Variants in SYT9 observed in about 807,000 individuals in gnomAD.
SYT9 encodes synaptotagmin-9.
In SYT9, 22 loss-of-function variants were observed where a neutral mutation model predicts 48.4. That is an observed-to-expected ratio of 0.45 (90% CI 0.32 to 0.65). The LOEUF (loss-of-function observed/expected upper bound fraction) is 0.65. Among genes scored for constraint, SYT9 ranks in the 30% least tolerant of loss-of-function variants. The pLI, the probability that SYT9 is intolerant of heterozygous loss-of-function variation, is 0.03. For synonymous variants in SYT9, 265 were observed against 245.0 expected (o/e 1.08, Z -0.76); for missense variants, 577 against 622.0 (o/e 0.93, Z 0.77).
At chr11:7,424,212 T>C (rs984104089) in intron 6 of SYT9, among the ~76,000 whole-genome samples, 1 of 152,104 alleles carries the variant, frequency 6.6e-6, no homozygotes, top group African/African-American at 2.4e-5. Flanking sequence ...AAAAATCCGT[T>C]TCTCTCGCAG....
chr11:7,304,164 G>A (rs1192883123), intron 2 of SYT9, among the ~76,000 whole-genome samples: 1 of 152,188 alleles, frequency 6.6e-6, no homozygotes, highest in Non-Finnish European at 1.5e-5. Flanking sequence ...TGATTTGTAG[G>A]TGGTTTTAAG....
intron 3 of SYT9, among the ~76,000 whole-genome samples, chr11:7,410,140 T>C (rs984068627): frequency 6.6e-6 from 1 of 152,216 alleles, no homozygotes; most frequent in African/African-American, 2.4e-5. Flanking sequence ...AATTTCCATG[T>C]ATCTGTAGGT....
chr11:7,363,908 T>C (rs1182690516), intron 3 of SYT9, among the ~76,000 whole-genome samples: 1 of 152,136 alleles, frequency 6.6e-6, no homozygotes, highest in Non-Finnish European at 1.5e-5. Context: ...AAGTCAAAGA[T>C]ATGGAATTAG....
At chr11:7,276,215 C>T (rs1460795591) in intron 1 of SYT9, among the ~76,000 whole-genome samples, 1 of 152,150 alleles carries the variant, frequency 6.6e-6, no homozygotes. Context: ...ATCCAACAGT[C>T]ACCAGTTCCC....
Position 7,466,955 on chromosome 11 carries a change from G to A in SYT9, c.*155G>A. 1.0e-6 allele frequency: 1 copy of A among 965,538 alleles called. No individual in the cohort carries two copies. Among genetic ancestry groups the A allele is most frequent in the Admixed American group, 2.4e-5 (1 of 42,322 alleles). 59.8% of individuals were successfully genotyped at this position (965,538 alleles called of 1,614,324 possible). A position where few individuals can be genotyped will look rare whatever the true frequency, so the allele number is the denominator to read the frequency against. ...CACTAACTGGCCTTCTTTCCAGATT[G>A]GGTTTGGTGAACCTGAATGGTCCAG... On this transcript the variant is annotated 3_prime_UTR_variant, in exon 7 of 7. Coordinates refer to ENST00000318881, the MANE Select transcript of SYT9 (RefSeq NM_175733.4).
intron 6 of SYT9, among the ~76,000 whole-genome samples, chr11:7,422,137 C>T (rs1847367626): frequency 6.6e-6 from 1 of 152,156 alleles, no homozygotes; most frequent in South Asian, 2.1e-4. Context: ...GCACCCCTGC[C>T]ATTGATAGTC....
chr11:7,459,186 G>A lies in SYT9; in HGVS notation c.1468-7606G>A, dbSNP rs144856842. Among the ~76,000 whole-genome samples the A allele has an allele frequency of 6.2e-3, 945 of 152,358 alleles. 4 individuals are homozygous for A. Among genetic ancestry groups the A allele is most frequent in the Non-Finnish European group, 9.7e-3 (661 of 68,034 alleles). On this transcript the variant is annotated intron_variant, in intron 6 of 6. Transcript: ENST00000318881. ...TTAAGTGAGCTCAGGAAGACTGCAG[G>A]TAGAGCACCTATGTGGGATGATCAG...
intron 1 of SYT9, among the ~76,000 whole-genome samples, chr11:7,286,901 G>C (rs1247732286): frequency 6.6e-6 from 1 of 152,166 alleles, no homozygotes; most frequent in East Asian, 1.9e-4. Context: ...CAAGTCTCCA[G>C]GAAGTTCCAA....
chr11:7,258,834 A>G (rs191124474), intron 1 of SYT9, among the ~76,000 whole-genome samples: 1 of 152,218 alleles, frequency 6.6e-6, no homozygotes, highest in East Asian at 1.9e-4. Context: ...ATGTTTTACC[A>G]TTTGTAATTA....
intron 3 of SYT9, among the ~76,000 whole-genome samples, chr11:7,377,646 A>G (rs1278929479): frequency 6.6e-6 from 1 of 152,148 alleles, no homozygotes; most frequent in Non-Finnish European, 1.5e-5. Context: ...CCCTTCCACA[A>G]GGGTGGAAAC....
At chr11:7,464,942 G>T (rs1848303634) in intron 6 of SYT9, among the ~76,000 whole-genome samples, 1 of 151,872 alleles carries the variant, frequency 6.6e-6, no homozygotes, top group Admixed American at 6.6e-5. Context: ...AAAAAAATTA[G>T]CCGGGCGTGG....
intron 3 of SYT9, among the ~76,000 whole-genome samples, chr11:7,409,300 G>A (rs1160579847): frequency 6.6e-6 from 1 of 152,080 alleles, no homozygotes; most frequent in East Asian, 1.9e-4. Context: ...GATTTGACTT[G>A]CTAGTAGTTT....
At chr11:7,405,898 A>T (rs1846998419) in intron 3 of SYT9, among the ~76,000 whole-genome samples, 1 of 152,136 alleles carries the variant, frequency 6.6e-6, no homozygotes, top group Non-Finnish European at 1.5e-5. Context: ...GAACTTTTTT[A>T]AAAATTTGCT....
chr11:7,239,899 A>G (rs1288739260), intron 1 of SYT9, among the ~76,000 whole-genome samples: 1 of 152,202 alleles, frequency 6.6e-6, no homozygotes, highest in Non-Finnish European at 1.5e-5. Context: ...ACACATTTGA[A>G]TAGTTGCACA....
chr11:7,450,804 C>G (rs772879675), intron 6 of SYT9, among the ~76,000 whole-genome samples: 7 of 152,130 alleles, frequency 4.6e-5, no homozygotes, highest in Non-Finnish European at 8.8e-5. Flanking sequence ...TTACACATGC[C>G]GACACATGTC....
chr11:7,316,343 T>C (rs1478163045), intron 3 of SYT9, among the ~76,000 whole-genome samples: 1 of 152,110 alleles, frequency 6.6e-6, no homozygotes, highest in Non-Finnish European at 1.5e-5. Context: ...AAAATATATA[T>C]GCATATACAT....
chr11:7,468,217 A>G lies in SYT9; in HGVS notation c.*1417A>G, dbSNP rs1246289188. 3 of 398,542 alleles carry G rather than the reference A, an allele frequency of 7.5e-6. No individual in the cohort carries two copies. The highest frequency in any genetic ancestry group is 1.3e-5 in the Non-Finnish European group (3 of 226,058). The allele number at this position is 398,542 out of a possible 1,614,324, so 24.7% of individuals were successfully genotyped here. On this transcript the variant is annotated 3_prime_UTR_variant, in exon 7 of 7. Coordinates refer to ENST00000318881, the MANE Select transcript of SYT9 (RefSeq NM_175733.4). ...TGGAAAGCTCATTATCTCTGTTTGA[A>G]TTAACATTTCAGCATGGAACTAACT...
At chr11:7,334,424 A>G (rs531414452) in intron 3 of SYT9, among the ~76,000 whole-genome samples, 12 of 152,320 alleles carry the variant, frequency 7.9e-5, no homozygotes, top group African/African-American at 2.6e-4. Flanking sequence ...ATAGACATGG[A>G]GAAAAGTAGC....
intron 3 of SYT9, among the ~76,000 whole-genome samples, chr11:7,403,738 G>A (rs926210561): frequency 6.8e-6 from 1 of 146,434 alleles, no homozygotes; most frequent in Non-Finnish European, 1.5e-5. Context: ...AATATAATCT[G>A]TCCTGTATAG....
Sources: gnomAD v4.1 joint callset for allele counts (sites outside exome capture counted in the v4.1 genomes callset) on GRCh38, gnomAD v4.1.1 for gene constraint, MANE v1.5 for transcripts, NCBI Gene and HGNC (gene_info 2026-07-23, HGNC 2026-07-21) for gene names.